HFM1: variants seen among roughly 807,000 people sequenced by gnomAD.
The protein encoded by HFM1 is probable ATP-dependent DNA helicase HFM1.
In HFM1, 169 loss-of-function variants were observed where a neutral mutation model predicts 192.1. That is an observed-to-expected ratio of 0.88 (90% CI 0.78 to 1.00). The LOEUF is 1.00. Among genes scored for constraint, HFM1 ranks in the 50% least tolerant of loss-of-function variants. The pLI, the probability that HFM1 is intolerant of heterozygous loss-of-function variation, is 0.00. For synonymous variants in HFM1, 525 were observed against 537.8 expected (o/e 0.98, Z 0.33); for missense variants, 1,661 against 1,668.0 (o/e 1.00, Z 0.07).
rs746274590 is a variant in HFM1 at position 91,378,409 on chromosome 1, A to T, written c.1230T>A (p.Ile410=). 9 of 1,596,850 alleles carry T rather than the reference A, an allele frequency of 5.6e-6. No homozygotes were observed. Among genetic ancestry groups the T allele is most frequent in the Non-Finnish European group, 7.7e-6 (9 of 1,166,800 alleles). The change falls in exon 10 of 39, where the codon ATT becomes ATA. Residue 410 remains isoleucine (I), a synonymous_variant. Transcript: ENST00000370425. The part of the protein sequence containing the change: ...SLVQLVRLFL[I]DEVHIVKDEN... ...AAGCGAATGCATTCATTACCTCATC[A>T]ATGAGAAACAGTCGAACCAGCTGAA...
chr1:91,339,031 C>G, intron 20 of HFM1: 1 of 455,428 alleles, frequency 2.2e-6, no homozygotes, highest in South Asian at 1.5e-5. Context: ...CTGAAATCAT[C>G]CAGAAACAAA....
chr1:91,328,916 G>C (rs1158917542), intron 20 of HFM1: 1 of 1,611,160 alleles, frequency 6.2e-7, no homozygotes, highest in Non-Finnish European at 8.5e-7. Flanking sequence ...GGCTACCGAG[G>C]ACATGGACTG....
At chr1:91,375,778 A>T in intron 11 of HFM1, 51 bp from the exon 12 acceptor site, 1 of 1,514,502 alleles carries the variant, frequency 6.6e-7, no homozygotes, top group South Asian at 1.1e-5. Context: ...GTAAAGTTTT[A>T]TTGCTAAAAA....
chr1:91,301,222 A>G (rs1432363329), intron 30 of HFM1, among the ~76,000 whole-genome samples: 6 of 151,544 alleles, frequency 4.0e-5, no homozygotes, highest in Non-Finnish European at 8.8e-5. Context: ...AATCCAACTT[A>G]CAAGGGATGT....
rs531671056 is a variant in HFM1, at chr1:91,330,140, C to T, written c.2336-5374G>A. ...TGTCTAGTTATTCAGAGGAGTAAGA[C>T]GGTGATGTTCATCTGGCAATCAGCT... On this transcript the variant is annotated intron_variant, in intron 20 of 38. Transcript: ENST00000370425. Among the ~76,000 whole-genome samples the T allele has an allele frequency of 2.2e-4, 33 of 151,992 alleles. No individual in the cohort carries two copies. The East Asian group carries it at 2.7e-3, about 12-fold the overall frequency.
At chr1:91,300,299 A>G (rs1648505405) in intron 30 of HFM1, among the ~76,000 whole-genome samples, 1 of 152,210 alleles carries the variant, frequency 6.6e-6, no homozygotes, top group Non-Finnish European at 1.5e-5. Context: ...TTAATAGCTT[A>G]CCAACCAAAA....
intron 30 of HFM1, among the ~76,000 whole-genome samples, chr1:91,297,287 A>T (rs988166577): frequency 1.3e-5 from 2 of 152,230 alleles, no homozygotes; most frequent in Admixed American, 1.3e-4. Context: ...TAAACAAAGC[A>T]GCCGGGAAGC....
chr1:91,292,823 CA>C (rs1460577936), intron 30 of HFM1, among the ~76,000 whole-genome samples: 1 of 152,056 alleles, frequency 6.6e-6, no homozygotes, highest in African/African-American at 2.4e-5. Context: ...CTACAGTAAC[CA>C]AAACAGCATG....
In HFM1 at chr1:91,354,121, A is replaced by C. The variant is rs569606924; in HGVS notation, c.1686-822T>G. On this transcript the variant is annotated intron_variant, in intron 13 of 38. Transcript: ENST00000370425. Reference sequence around the variant, plus strand: ...GTCAATGAAATCAGGAAAACAATTCATTATCTGCACAAGAAAGTTATTCAA... The same window carrying C: ...GTCAATGAAATCAGGAAAACAATTCCTTATCTGCACAAGAAAGTTATTCAA... Among the ~76,000 whole-genome samples, 143 of 151,864 alleles carry C rather than the reference A, an allele frequency of 9.4e-4. 2 individuals carry two copies. The highest frequency in any genetic ancestry group is 3.2e-3 in the African/African-American group (134 of 41,520).
At chr1:91,337,783 C>A (rs281950) in intron 20 of HFM1, among the ~76,000 whole-genome samples, 16 of 152,140 alleles carry the variant, frequency 1.1e-4, no homozygotes, top group Admixed American at 3.3e-4. Flanking sequence ...TGACTGTGTG[C>A]AAAGGAAGAG....
intron 19 of HFM1, 124 bp from the exon 20 acceptor site, chr1:91,343,634 C>A: frequency 2.5e-6 from 1 of 400,200 alleles, no homozygotes; most frequent in East Asian, 3.9e-5. Flanking sequence ...AACCATAGTC[C>A]CTACTTAAGC....
At position 91,364,599 on chromosome 1, in the gene HFM1, T is replaced by C. The variant is rs1426207321; in HGVS notation, c.1685+10759A>G. ...GTATCTGTGTGTGTATATATACATA[T>C]ACATATACATATATATATATATATA... On this transcript the variant is annotated intron_variant, in intron 13 of 38. Transcript: ENST00000370425. Among the ~76,000 whole-genome samples the C allele has an allele frequency of 3.2e-5, 4 of 126,540 alleles. 1 individual carries two copies. The highest frequency in any genetic ancestry group is 1.2e-4 in the African/African-American group (4 of 33,472). 83.0% of individuals were successfully genotyped at this position (126,540 alleles called of 152,430 possible).
At chr1:91,303,926 AC>A in intron 30 of HFM1, among the ~76,000 whole-genome samples, 1 of 152,130 alleles carries the variant, frequency 6.6e-6, no homozygotes, top group African/African-American at 2.4e-5. Flanking sequence ...GCTCACTGCA[AC>A]CTCTACCTCC....
At chr1:91,361,929 T>G (rs1003614264) in intron 13 of HFM1, among the ~76,000 whole-genome samples, 3 of 152,040 alleles carry the variant, frequency 2.0e-5, no homozygotes, top group Admixed American at 1.3e-4. Flanking sequence ...ATGCATCACA[T>G]AAACAGAATG....
chr1:91,404,311 T>C (rs1440450789), intron 1 of HFM1, among the ~76,000 whole-genome samples: 2 of 152,214 alleles, frequency 1.3e-5, no homozygotes, highest in African/African-American at 4.8e-5. Flanking sequence ...GGCAGAGGCC[T>C]TAGGGCCCCG....
chr1:91,377,988 T>G, intron 11 of HFM1, 37 bp downstream of exon 11: 1 of 1,577,870 alleles, frequency 6.3e-7, no homozygotes, highest in Non-Finnish European at 8.7e-7. Flanking sequence ...TCACAAGTCA[T>G]AAAAAACCTA....
At chr1:91,287,140 G>C (rs1249585166) in intron 30 of HFM1, among the ~76,000 whole-genome samples, 2 of 152,214 alleles carry the variant, frequency 1.3e-5, no homozygotes, top group African/African-American at 4.8e-5. Flanking sequence ...CGGGAAGCTC[G>C]AACTGGGTGG....
chr1:91,302,484 G>A (rs969783606), intron 30 of HFM1, among the ~76,000 whole-genome samples: 22 of 152,050 alleles, frequency 1.4e-4, no homozygotes, highest in East Asian at 5.8e-4. Context: ...ACATGCACAC[G>A]TATGTTTATT....
At chr1:91,384,744 C>G (rs1049641811) in intron 6 of HFM1, among the ~76,000 whole-genome samples, 2 of 72,126 alleles carry the variant, frequency 2.8e-5, no homozygotes, top group Admixed American at 4.6e-4. Flanking sequence ...CACACACATA[C>G]ATCTTTTTTT....
Sources: allele counts gnomAD v4.1 joint callset (sites outside exome capture counted in the v4.1 genomes callset), GRCh38; gene constraint gnomAD v4.1.1; transcripts MANE v1.5; gene names NCBI Gene and HGNC (gene_info 2026-07-23, HGNC 2026-07-21).